The following TMEM67 variants were observed in gnomAD, a reference collection of about 807,000 sequenced individuals.
TMEM67 encodes meckelin.
A neutral mutation model predicts 136.6 loss-of-function variants in TMEM67; 124 were observed. That is an observed-to-expected ratio of 0.91 (90% confidence interval 0.78 to 1.05). The LOEUF (loss-of-function observed/expected upper bound fraction) is 1.05, where lower values mean the gene tolerates loss of function less well. Among genes scored for constraint, TMEM67 ranks in the 50% least tolerant of loss-of-function variants. The pLI is 0.00. For synonymous variants in TMEM67, 364 were observed against 390.5 expected, an observed-to-expected ratio of 0.93 and a Z score of 0.80; for missense variants, 1,107 against 1,178.4, an observed-to-expected ratio of 0.94 and a Z score of 0.89.
chr8:93,807,794 A>T (rs948244884), intron 23 of TMEM67, among the ~76,000 whole-genome samples: 2 of 152,034 alleles, frequency 1.3e-5, no homozygotes, highest in African/African-American at 4.8e-5. Flanking sequence ...AAGAAGGAAA[A>T]TATTAACCTG....
At chr8:93,791,425 C>G in intron 15 of TMEM67, 106 bp downstream of exon 15, 1 of 740,802 alleles carries the variant, frequency 1.3e-6, no homozygotes, top group Non-Finnish European at 2.4e-6. Flanking sequence ...ATTCTTTCCC[C>G]AGACTCCCCT....
At chr8:93,797,037 T>C (rs1814650093) in intron 18 of TMEM67, 97 bp from the exon 19 acceptor site, 9 of 759,614 alleles carry the variant, frequency 1.2e-5, no homozygotes, top group Non-Finnish European at 1.9e-5. Context: ...TATATGTTCT[T>C]GTGATAACAG....
chr8:93,828,635 G>C, the TMEM67 span, among the ~76,000 whole-genome samples: 2 of 152,080 alleles, frequency 1.3e-5, no homozygotes, highest in African/African-American at 2.4e-5. Flanking sequence ...AGCTACTCGG[G>C]GGGTGGGGCT....
chr8:93,809,913 CT>C (rs1563482313), intron 26 of TMEM67, 26 bp downstream of exon 26: 2 of 1,372,290 alleles, frequency 1.5e-6, no homozygotes, highest in Non-Finnish European at 2.1e-6. Context: ...CTTTGTAGAA[CT>C]TGATAACTGT....
rs536231208 is a variant in TMEM67 at position 93,797,948 on chromosome 8, C to A, written c.2100+478C>A. Among the ~76,000 whole-genome samples the A allele has an allele frequency of 2.8e-4, 42 of 152,350 alleles. 1 individual carries two copies. In the South Asian group the frequency reaches 5.4e-3, roughly 20 times the overall value. On this transcript the variant is annotated intron_variant, in intron 20 of 27. Transcript: ENST00000453321. ...AGTGAGCCGAGATTGCACCATTGAA[C>A]TCCAGCCTGGGCAGAAAGAGCAAAA...
intron 18 of TMEM67, among the ~76,000 whole-genome samples, chr8:93,796,890 T>TAAAG (rs1221485795): frequency 6.6e-6 from 1 of 152,120 alleles, no homozygotes; most frequent in African/African-American, 2.4e-5. Flanking sequence ...ATTCCTATTT[T>TAAAG]AAAGAAAGAA....
intron 20 of TMEM67, among the ~76,000 whole-genome samples, chr8:93,798,795 G>C (rs1474770054): frequency 6.6e-6 from 1 of 151,972 alleles, no homozygotes; most frequent in Admixed American, 6.6e-5. Context: ...ACTTGAAGTG[G>C]TATTTTGGTT....
chr8:93,779,797 G>A (rs1813726941), intron 7 of TMEM67, among the ~76,000 whole-genome samples: 1 of 152,182 alleles, frequency 6.6e-6, no homozygotes, highest in Non-Finnish European at 1.5e-5. Flanking sequence ...GGCCCCTACT[G>A]GGAGGTGTCT....
chr8:93,775,005 C>G (rs1009878153), intron 7 of TMEM67, among the ~76,000 whole-genome samples: 1 of 152,156 alleles, frequency 6.6e-6, no homozygotes, highest in African/African-American at 2.4e-5. Flanking sequence ...TCTCCATGTC[C>G]TCTCCAGCAT....
chr8:93,797,942 A>C (rs1814694928), intron 20 of TMEM67, among the ~76,000 whole-genome samples: 2 of 152,242 alleles, frequency 1.3e-5, no homozygotes, highest in African/African-American at 4.8e-5. Flanking sequence ...AGATTGCACC[A>C]TTGAACTCCA....
downstream of TMEM67, among the ~76,000 whole-genome samples, chr8:93,822,705 A>C (rs1424699143): frequency 6.6e-6 from 1 of 152,174 alleles, no homozygotes; most frequent in Non-Finnish European, 1.5e-5. Flanking sequence ...ACTACAGTGC[A>C]TTCTAAATCT....
At chr8:93,756,063 C>T in intron 2 of TMEM67, 197 bp downstream of exon 2, 1 of 455,562 alleles carries the variant, frequency 2.2e-6, no homozygotes, top group Non-Finnish European at 3.9e-6. Context: ...AAATGTATTT[C>T]TTTTAAAATC....
intron 21 of TMEM67, 148 bp downstream of exon 21, chr8:93,799,906 T>A: frequency 1.1e-3 from 60 of 56,046 alleles, no homozygotes; most frequent in East Asian, 2.4e-3. Context: ...GGTCAGTTCT[T>A]TTTTTTTTTT....
At chr8:93,824,117 T>C (rs891045039), downstream of TMEM67, among the ~76,000 whole-genome samples, 2 of 152,236 alleles carry the variant, frequency 1.3e-5, no homozygotes, top group African/African-American at 4.8e-5. Flanking sequence ...GGACAGCTTG[T>C]AGCAGACCAG....
chr8:93,797,349 G>A lies in TMEM67; in HGVS notation c.1979G>A (p.Ser660Asn), dbSNP rs1563472277. The A allele has an allele frequency of 4.3e-6, 7 of 1,614,122 alleles. No homozygotes were observed. Among genetic ancestry groups the A allele is most frequent in the Non-Finnish European group, 5.1e-6 (6 of 1,180,008 alleles). Residue 660 changes from serine (S) to asparagine (N), a missense_variant, in exon 20 of 28, where the codon AGT becomes AAT. Ser to Asn is a conservative substitution (Grantham distance 46). Around this residue, in one of 3 missense-constraint regions of TMEM67, gnomAD observed 925 missense variants for 1,002.4 expected, o/e 0.92. Transcript: ENST00000453321. ...KAVEGEGGVR[S>N]ATVPVSIWRT... Reference sequence around the variant, plus strand: ...TGACCAGGTGAGGGTGGTGTACGAAGTGCCACTGTTCCTGTAAGCATATGG... The same window carrying A: ...TGACCAGGTGAGGGTGGTGTACGAAATGCCACTGTTCCTGTAAGCATATGG...
intron 7 of TMEM67, 73 bp from the exon 8 acceptor site, chr8:93,780,520 A>G: frequency 2.5e-6 from 4 of 1,593,206 alleles, no homozygotes; most frequent in South Asian, 1.1e-5. Context: ...TGCACAAAGT[A>G]AAATTTTTAT....
At chr8:93,765,115 T>TG (rs1156646331) in intron 4 of TMEM67, among the ~76,000 whole-genome samples, 1 of 152,186 alleles carries the variant, frequency 6.6e-6, no homozygotes, top group Non-Finnish European at 1.5e-5. Context: ...GTTGCTCTCT[T>TG]GTTAGTTGAG....
downstream of TMEM67, among the ~76,000 whole-genome samples, chr8:93,823,675 C>T (rs1253530197): frequency 6.6e-6 from 1 of 152,128 alleles, no homozygotes; most frequent in East Asian, 1.9e-4. Flanking sequence ...TCCTTGTCTA[C>T]AGTGGGTCTA....
chr8:93,814,485 G>T, intron 26 of TMEM67, among the ~76,000 whole-genome samples: 1 of 127,266 alleles, frequency 7.9e-6, no homozygotes, highest in African/African-American at 3.0e-5. Flanking sequence ...TTTAGTGACA[G>T]GTTCTTGCTC....
Sources: gnomAD v4.1 joint callset for allele counts (sites outside exome capture counted in the v4.1 genomes callset) on GRCh38, gnomAD v4.1.1 for gene constraint, gnomAD v4.1.1 regional missense constraint, MANE v1.5 for transcripts, NCBI Gene and HGNC (gene_info 2026-07-23, HGNC 2026-07-21) for gene names.